Variants in SAXO1 observed in about 807,000 individuals in gnomAD.
The protein encoded by SAXO1 is stabilizer of axonemal microtubules 1.
Under a neutral mutation model 17.5 loss-of-function variants are expected in SAXO1, and 21 were observed. That is an observed-to-expected ratio of 1.20 (90% CI 0.85 to 1.72). SAXO1 has a LOEUF of 1.72. SAXO1 is among the 40% of genes most tolerant of loss of function. SAXO1 has a pLI of 0.00. For synonymous variants in SAXO1, 274 were observed against 216.5 expected, an observed-to-expected ratio of 1.27 and a Z score of -2.33; for missense variants, 843 against 596.0, an observed-to-expected ratio of 1.41 and a Z score of -4.32.
chr9:19,047,029 A>G (rs1271795253), intron 1 of SAXO1, among the ~76,000 whole-genome samples: 3 of 152,184 alleles, frequency 2.0e-5, no homozygotes, highest in Non-Finnish European at 4.4e-5. Flanking sequence ...TCTACTAAAA[A>G]TACAAAAATT....
chr9:19,006,970 G>A (rs921201560), intron 1 of SAXO1, among the ~76,000 whole-genome samples: 4 of 152,098 alleles, frequency 2.6e-5, no homozygotes, highest in East Asian at 1.9e-4. Context: ...ACGTGAACCC[G>A]GGAGGCAAAG....
chr9:18,964,629 G>T (rs1832640711), intron 1 of SAXO1, among the ~76,000 whole-genome samples: 1 of 152,116 alleles, frequency 6.6e-6, no homozygotes. Context: ...TTTTGACTGT[G>T]TCTATTTGAT....
intron 1 of SAXO1, among the ~76,000 whole-genome samples, chr9:19,030,672 C>T (rs540393043): frequency 1.3e-5 from 2 of 150,624 alleles, no homozygotes; most frequent in Non-Finnish European, 3.0e-5. Context: ...CGCCACTGCA[C>T]GACAGAGTAA....
Position 18,928,251 on chromosome 9 carries a change from G to C in SAXO1, c.1226C>G (p.Thr409Ser). 1 of 1,613,602 alleles carries C rather than the reference G, an allele frequency of 6.2e-7. No individual in the cohort carries two copies. The highest frequency in any genetic ancestry group is 8.5e-7 in the Non-Finnish European group (1 of 1,179,602). ...CATTTCCTTGGGAGTAAAGCTGATG[G>C]TGTAGGTGGTCTGGCTTTCCACAGG... ...NVPVESQTTY[T>S]ISFTPKEMGR... Residue 409 changes from threonine to serine, a missense_variant, in exon 4 of 4, where the codon ACC (threonine) becomes AGC (serine). Physicochemically the swap from Thr to Ser is moderately conservative, Grantham distance 58. Transcript: ENST00000380534.
At chr9:18,971,666 G>A (rs971855635) in intron 1 of SAXO1, among the ~76,000 whole-genome samples, 18 of 152,138 alleles carry the variant, frequency 1.2e-4, no homozygotes, top group African/African-American at 4.1e-4. Flanking sequence ...CAGCTGGAAT[G>A]AAATTACTTC....
intron 2 of SAXO1, among the ~76,000 whole-genome samples, chr9:18,945,473 A>C (rs1309716580): frequency 6.6e-6 from 1 of 152,120 alleles, no homozygotes; most frequent in Non-Finnish European, 1.5e-5. Context: ...CAAACTTCCC[A>C]ATGTCAAAAG....
chr9:19,013,014 C>A (rs554343085), intron 1 of SAXO1, among the ~76,000 whole-genome samples: 1 of 152,274 alleles, frequency 6.6e-6, no homozygotes, highest in African/African-American at 2.4e-5. Flanking sequence ...CAGGCCTCTG[C>A]CAACCTTTCA....
chr9:18,984,504 G>A (rs1051273869), intron 1 of SAXO1, among the ~76,000 whole-genome samples: 10 of 152,216 alleles, frequency 6.6e-5, no homozygotes, highest in Admixed American at 3.3e-4. Context: ...ACTTGCTGTA[G>A]CTTCTACATC....
intron 1 of SAXO1, among the ~76,000 whole-genome samples, chr9:19,022,491 T>G (rs760920176): frequency 6.6e-6 from 1 of 152,226 alleles, no homozygotes; most frequent in Non-Finnish European, 1.5e-5. Flanking sequence ...CTGCTCTTCA[T>G]TTGGAGCTGT....
chr9:18,983,743 A>G (rs1466985698), intron 1 of SAXO1, among the ~76,000 whole-genome samples: 1 of 152,180 alleles, frequency 6.6e-6, no homozygotes, highest in Non-Finnish European at 1.5e-5. Flanking sequence ...AAGGGTTGAA[A>G]TCAACTGCTT....
intron 1 of SAXO1, among the ~76,000 whole-genome samples, chr9:18,968,119 G>C (rs181905182): frequency 5.5e-4 from 84 of 152,246 alleles, no homozygotes; most frequent in Non-Finnish European, 9.3e-4. Flanking sequence ...GAGTACCTCA[G>C]TTGGAAATGC....
intron 1 of SAXO1, among the ~76,000 whole-genome samples, chr9:19,007,092 T>A (rs1296925678): frequency 6.6e-6 from 1 of 151,726 alleles, no homozygotes; most frequent in Non-Finnish European, 1.5e-5. Flanking sequence ...CTCATGCCTG[T>A]AATCCCAGCA....
At chr9:19,004,324 G>A (rs1434047982) in intron 1 of SAXO1, among the ~76,000 whole-genome samples, 1 of 152,158 alleles carries the variant, frequency 6.6e-6, no homozygotes, top group African/African-American at 2.4e-5. Context: ...AAGACAGTGT[G>A]GTGATTCCTC....
At chr9:19,047,393 A>G (rs1395552255) in intron 1 of SAXO1, among the ~76,000 whole-genome samples, 1 of 152,114 alleles carries the variant, frequency 6.6e-6, no homozygotes, top group Non-Finnish European at 1.5e-5. Context: ...ACATTAGAGG[A>G]GACTCCGTAA....
intron 1 of SAXO1, 40 bp downstream of exon 1, chr9:19,032,831 C>T: frequency 6.2e-7 from 1 of 1,603,568 alleles, no homozygotes; most frequent in Non-Finnish European, 8.5e-7. Context: ...GTCTGAAAAC[C>T]CAGGCTCCCC....
intron 1 of SAXO1, among the ~76,000 whole-genome samples, chr9:19,006,452 T>C (rs1266106711): frequency 6.6e-6 from 1 of 152,130 alleles, no homozygotes; most frequent in Non-Finnish European, 1.5e-5. Flanking sequence ...GAAATAAAAT[T>C]TGGATGCATG....
intron 1 of SAXO1, among the ~76,000 whole-genome samples, chr9:19,032,601 G>A (rs1009915414): frequency 1.3e-5 from 2 of 152,212 alleles, no homozygotes; most frequent in African/African-American, 4.8e-5. Flanking sequence ...TCAGGGAAGG[G>A]AGTGCAGACT....
At chr9:19,027,111 G>A in intron 1 of SAXO1, 1 of 955,448 alleles carries the variant, frequency 1.0e-6, no homozygotes, top group South Asian at 1.3e-5. Context: ...GGTGTACCTT[G>A]TCTCCAACAT....
Position 18,928,112 on chromosome 9 carries a change from G to T in SAXO1, c.1365C>A (p.Ser455Arg), listed in dbSNP as rs1333570557. The change falls in exon 4 of 4, where the codon AGC becomes AGA. Residue 455 changes from serine to arginine, a missense_variant. Coordinates refer to ENST00000380534, the MANE Select transcript of SAXO1 (RefSeq NM_153707.4). ...TTTCTGAATCATCTACAGAAAGATG[G>T]CTGCTCTGCTGAGAGCCTGCCTGGG... ...PVSQAGSQQS[S>R]HLSVDDSENP... The T allele has an allele frequency of 1.9e-6, 3 of 1,613,982 alleles. No homozygotes were observed. Among genetic ancestry groups the T allele is most frequent in the Non-Finnish European group, 2.5e-6 (3 of 1,179,910 alleles).
Sources: gnomAD v4.1 joint callset for allele counts (sites outside exome capture counted in the v4.1 genomes callset) on GRCh38, gnomAD v4.1.1 for gene constraint, MANE v1.5 for transcripts, NCBI Gene and HGNC (gene_info 2026-07-23, HGNC 2026-07-21) for gene names.